Variants in ATG4C observed in about 807,000 individuals in gnomAD.
The protein encoded by ATG4C is cysteine protease ATG4C.
A neutral mutation model predicts 57.6 loss-of-function variants in ATG4C; 56 were observed. That is an observed-to-expected ratio of 0.97 (90% CI 0.78 to 1.21). The LOEUF (loss-of-function observed/expected upper bound fraction) is 1.21, where lower values mean the gene tolerates loss of function less well. ATG4C is among the 50% of genes most tolerant of loss of function. The pLI, the probability that ATG4C is intolerant of heterozygous loss-of-function variation, is 0.00. For missense variants in ATG4C, 595 were observed against 529.8 expected (o/e 1.12, Z -1.21); for synonymous variants, 157 against 174.1 (o/e 0.90, Z 0.78).
At chr1:62,844,868 CAG>C (rs1256857619) in intron 10 of ATG4C, among the ~76,000 whole-genome samples, 1 of 151,738 alleles carries the variant, frequency 6.6e-6, no homozygotes, top group Non-Finnish European at 1.5e-5. Flanking sequence ...TTTTATTTAA[CAG>C]TGAGTTAGAG....
At chr1:62,855,912 A>T (rs1462467691) in intron 10 of ATG4C, among the ~76,000 whole-genome samples, 1 of 152,128 alleles carries the variant, frequency 6.6e-6, no homozygotes, top group East Asian at 1.9e-4. Flanking sequence ...TCTAATCTTT[A>T]TTTCAGGTTA....
chr1:62,831,549 G>T (rs2366822), intron 7 of ATG4C, among the ~76,000 whole-genome samples: 96,982 of 151,858 alleles, frequency 0.64, 31,286 homozygotes, highest in African/African-American at 0.74. Context: ...GTTTATTTAT[G>T]TATGTATGTA....
rs1036228572 is a variant in ATG4C at position 62,841,601 on chromosome 1, G to C, written c.1209+54G>C. 15 of 1,405,658 alleles carry C rather than the reference G, an allele frequency of 1.1e-5. No homozygotes were observed. The African/African-American group carries it at 1.9e-4, about 18-fold the overall frequency. The allele number at this position is 1,405,658 out of a possible 1,614,324, so 87.1% of individuals were successfully genotyped here. Reference sequence around the variant, plus strand: ...AAATGACCTAATTTTATTAGAAACAGACTGTCAGAAAGCAAAAACCTGTAA... The same window carrying C: ...AAATGACCTAATTTTATTAGAAACACACTGTCAGAAAGCAAAAACCTGTAA... On this transcript the variant is annotated intron_variant, in intron 10 of 10. Coordinates refer to ENST00000317868, the MANE Select transcript of ATG4C (RefSeq NM_032852.4).
intron 10 of ATG4C, among the ~76,000 whole-genome samples, chr1:62,857,740 G>A (rs111512458): frequency 1.2e-3 from 180 of 152,200 alleles, no homozygotes; most frequent in African/African-American, 4.1e-3. Context: ...TATTTTTATT[G>A]TGGTTCTCAT....
intron 1 of ATG4C, among the ~76,000 whole-genome samples, chr1:62,793,824 A>G (rs552843828): frequency 3.1e-4 from 46 of 147,714 alleles, no homozygotes; most frequent in African/African-American, 9.6e-4. Context: ...ATAAGACTCT[A>G]TAAGTCTCTA....
rs139868568 is a variant in ATG4C at position 62,792,315 on chromosome 1, C to G, written c.-69+8042C>G. Among the ~76,000 whole-genome samples the G allele has an allele frequency of 1.5e-3, 234 of 152,222 alleles. 2 individuals are homozygous for G. The highest frequency in any genetic ancestry group is 5.0e-3 in the African/African-American group (208 of 41,518). On this transcript the variant is annotated intron_variant, in intron 1 of 10. Coordinates refer to ENST00000317868, the MANE Select transcript of ATG4C (RefSeq NM_032852.4). ...CGGCCTTATCTACTCATTTCTAATC[C>G]TTTCACCAGTACCCTGATTGAGGTT...
intron 6 of ATG4C, among the ~76,000 whole-genome samples, chr1:62,821,660 T>C (rs1665487097): frequency 1.3e-5 from 2 of 152,216 alleles, no homozygotes; most frequent in South Asian, 4.1e-4. Flanking sequence ...GTTTTGGGTC[T>C]TCTTTTTGAT....
chr1:62,815,891 T>A (rs1484398107), intron 3 of ATG4C, among the ~76,000 whole-genome samples: 4 of 151,928 alleles, frequency 2.6e-5, no homozygotes, highest in Admixed American at 2.6e-4. Context: ...CACCATGTTG[T>A]CCAGGCTGGT....
At chr1:62,857,189 G>C (rs1323242206) in intron 10 of ATG4C, among the ~76,000 whole-genome samples, 3 of 152,140 alleles carry the variant, frequency 2.0e-5, no homozygotes, top group Non-Finnish European at 4.4e-5. Context: ...CAGAAGGTGA[G>C]CGGCGGGTTA....
chr1:62,804,832 G>A (rs150882848), intron 2 of ATG4C, among the ~76,000 whole-genome samples: 228 of 152,276 alleles, frequency 1.5e-3, no homozygotes, highest in Non-Finnish European at 2.8e-3. Context: ...ACAATTGGCA[G>A]TTTAAATTAT....
At chr1:62,861,333 T>C (rs1053557578) in intron 10 of ATG4C, among the ~76,000 whole-genome samples, 1 of 151,702 alleles carries the variant, frequency 6.6e-6, no homozygotes, top group African/African-American at 2.4e-5. Context: ...ATCACTTGAG[T>C]TCAGGAGTTT....
chr1:62,862,723 T>C (rs958278734), intron 10 of ATG4C, among the ~76,000 whole-genome samples: 1 of 152,074 alleles, frequency 6.6e-6, no homozygotes, highest in Non-Finnish European at 1.5e-5. Flanking sequence ...ATTAAAAATA[T>C]ATTTTATATA....
chr1:62,810,402 C>T (rs558180589), intron 3 of ATG4C, among the ~76,000 whole-genome samples: 1 of 152,088 alleles, frequency 6.6e-6, no homozygotes, highest in Non-Finnish European at 1.5e-5. Context: ...TCTTTGTTGC[C>T]TCAACAGAAA....
At chr1:62,811,105 A>G (rs1211099250) in intron 3 of ATG4C, among the ~76,000 whole-genome samples, 1 of 152,140 alleles carries the variant, frequency 6.6e-6, no homozygotes, top group Non-Finnish European at 1.5e-5. Context: ...TGACATTCTG[A>G]TATCTCACAA....
At chr1:62,828,122 G>A (rs1665726172) in intron 6 of ATG4C, among the ~76,000 whole-genome samples, 1 of 152,174 alleles carries the variant, frequency 6.6e-6, no homozygotes, top group Admixed American at 6.5e-5. Flanking sequence ...TCGTGTGCAT[G>A]TGTCTTTATG....
At chr1:62,796,384 T>C (rs1664468932) in intron 1 of ATG4C, among the ~76,000 whole-genome samples, 1 of 152,118 alleles carries the variant, frequency 6.6e-6, no homozygotes, top group African/African-American at 2.4e-5. Context: ...AAACAAAAAT[T>C]ATGAATTAAC....
In ATG4C at chr1:62,865,094, A is replaced by G. The variant is rs528590384; in HGVS notation, c.*935A>G. 11 of 152,080 alleles carry G rather than the reference A, an allele frequency of 7.2e-5. No homozygotes were observed. The South Asian group carries it at 2.3e-3, about 31-fold the overall frequency. The allele number at this position is 152,080 out of a possible 1,614,324, so 9.4% of individuals were successfully genotyped here. A position where few individuals can be genotyped will look rare whatever the true frequency, so the allele number is the denominator to read the frequency against. On this transcript the variant is annotated 3_prime_UTR_variant, in exon 11 of 11. Transcript: ENST00000317868. Reference sequence around the variant, plus strand: ...CTTAAAGGCAAATTTGTGATCTAAAAGTACAAGAGTGATTTTTGAGCTAGG... The same window carrying G: ...CTTAAAGGCAAATTTGTGATCTAAAGGTACAAGAGTGATTTTTGAGCTAGG...
intron 1 of ATG4C, among the ~76,000 whole-genome samples, chr1:62,795,184 C>T (rs1004837761): frequency 7.2e-5 from 11 of 152,202 alleles, no homozygotes; most frequent in African/African-American, 2.4e-4. Context: ...CTGCCAGGAG[C>T]ATTTACTTGG....
intron 3 of ATG4C, among the ~76,000 whole-genome samples, chr1:62,808,076 T>C (rs2100301346): frequency 6.6e-6 from 1 of 152,344 alleles, no homozygotes; most frequent in South Asian, 2.1e-4. Context: ...GTGTTGAACG[T>C]AGACTAAAAG....
Sources: allele counts gnomAD v4.1 joint callset (sites outside exome capture counted in the v4.1 genomes callset), GRCh38; gene constraint gnomAD v4.1.1; transcripts MANE v1.5; gene names NCBI Gene and HGNC (gene_info 2026-07-23, HGNC 2026-07-21).